The following MTHFD1L variants were observed in gnomAD, a reference collection of about 807,000 sequenced individuals.
The protein encoded by MTHFD1L is methylenetetrahydrofolate dehydrogenase (NADP+ dependent) 1 like.
A neutral mutation model predicts 119.5 loss-of-function variants in MTHFD1L; 81 were observed. The ratio of observed to expected loss-of-function variants is 0.68; its 90% CI spans 0.57 to 0.82. The LOEUF (loss-of-function observed/expected upper bound fraction) is 0.82. MTHFD1L is among the 40% of genes least tolerant of loss of function. The pLI is 0.00. For synonymous variants in MTHFD1L, 430 were observed against 475.2 expected (o/e 0.90, Z 1.24); for missense variants, 1,125 against 1,253.4 (o/e 0.90, Z 1.55).
At chr6:151,037,214 A>T in intron 26 of MTHFD1L, 97 bp downstream of exon 26, 1 of 1,348,982 alleles carries the variant, frequency 7.4e-7, no homozygotes, top group Non-Finnish European at 1.0e-6. Context: ...ATCATGGATT[A>T]GGGAAAATTG....
chr6:150,981,481 G>A (rs114084021), intron 20 of MTHFD1L, among the ~76,000 whole-genome samples: 4 of 152,080 alleles, frequency 2.6e-5, no homozygotes, highest in Admixed American at 6.5e-5. Flanking sequence ...ACAGATGTGC[G>A]GCTTTTCTTG....
Position 151,013,831 on chromosome 6 carries a change from C to T in MTHFD1L, c.2307+11C>T, listed in dbSNP as rs779512029. On this transcript the variant is annotated intron_variant, in intron 22 of 27. Transcript: ENST00000367321. ...GAATATACAGAGGAGGTAAGAGGAG[C>T]TGTTTAGATGCTTATGTGAAGAATC... The T allele has an allele frequency of 1.2e-6, 2 of 1,609,010 alleles. No homozygotes were observed. Among genetic ancestry groups the T allele is most frequent in the African/African-American group, 1.3e-5 (1 of 74,878 alleles).
intron 18 of MTHFD1L, among the ~76,000 whole-genome samples, chr6:150,962,914 C>CTTTTCT (rs1796647470): frequency 8.8e-6 from 1 of 114,148 alleles, no homozygotes; most frequent in Admixed American, 9.4e-5. Context: ...CTTTTCTTTT[C>CTTTTCT]TTTTTTTTTT....
At chr6:150,974,122 A>C (rs979452722) in intron 20 of MTHFD1L, among the ~76,000 whole-genome samples, 1 of 152,240 alleles carries the variant, frequency 6.6e-6, no homozygotes, top group African/African-American at 2.4e-5. Flanking sequence ...TTTTACCTCA[A>C]CTGCTTTCAA....
intron 26 of MTHFD1L, among the ~76,000 whole-genome samples, chr6:151,066,437 CAA>C (rs35065800): frequency 0.05 from 2,531 of 50,622 alleles, 66 homozygotes; most frequent in African/African-American, 0.18. Context: ...GACTCCATCT[CAA>C]AAAAAAAAAA....
chr6:150,870,267 C>T (rs1256889653), intron 1 of MTHFD1L, among the ~76,000 whole-genome samples: 4 of 152,192 alleles, frequency 2.6e-5, no homozygotes, highest in Admixed American at 6.5e-5. Flanking sequence ...TGATTAGAAA[C>T]ATTTATGCTA....
intron 11 of MTHFD1L, among the ~76,000 whole-genome samples, chr6:150,936,260 T>C (rs1792034575): frequency 6.6e-6 from 1 of 152,156 alleles, no homozygotes; most frequent in African/African-American, 2.4e-5. Context: ...CATGACCTTA[T>C]CACCATCTGT....
In MTHFD1L at chr6:151,013,783, C is replaced by A. The variant is rs536470352; in HGVS notation, c.2270C>A (p.Thr757Lys). ...TGTTTTCTCTCCTTATTTCAGGTAA[C>A]GGCTGGTGTTCCTCTTAAGAAAGAA... ...LKMHGGGPSV[T>K]AGVPLKKEYT... The change falls in exon 22 of 28, where the codon ACG (threonine) becomes AAG (lysine). Residue 757 changes from threonine (T) to lysine (K), a missense_variant. Physicochemically the swap from Thr to Lys is moderately conservative, Grantham distance 78. Transcript: ENST00000367321. 6.2e-7 allele frequency: 1 copy of A among 1,611,750 alleles called. No homozygotes were observed. The highest frequency in any genetic ancestry group is 8.5e-7 in the Non-Finnish European group (1 of 1,178,410).
chr6:150,962,357 A>C (rs1023139923), intron 18 of MTHFD1L, among the ~76,000 whole-genome samples: 1 of 152,194 alleles, frequency 6.6e-6, no homozygotes, highest in African/African-American at 2.4e-5. Flanking sequence ...TACTCTTTTT[A>C]GTTACCTTTT....
Position 151,082,133 on chromosome 6 carries a change from G to A in MTHFD1L, c.2848-10334G>A, listed in dbSNP as rs149475363. Among the ~76,000 whole-genome samples the A allele has an allele frequency of 1.8e-3, 280 of 152,300 alleles. 2 individuals carry two copies. Among genetic ancestry groups the A allele is most frequent in the African/African-American group, 6.2e-3 (258 of 41,562 alleles). On this transcript the variant is annotated intron_variant, in intron 26 of 27. Transcript: ENST00000367321. Reference sequence around the variant, plus strand: ...TAAATTGATTTGTTTTCCACACGTAGTGGAGATTTTCATGGTGTGCTACCT... The same window carrying A: ...TAAATTGATTTGTTTTCCACACGTAATGGAGATTTTCATGGTGTGCTACCT...
intron 26 of MTHFD1L, among the ~76,000 whole-genome samples, chr6:151,043,150 A>G (rs1466302083): frequency 3.9e-5 from 6 of 152,158 alleles, no homozygotes; most frequent in Non-Finnish European, 7.3e-5. Context: ...TCCACTAAGC[A>G]AATGCAAGAT....
chr6:151,057,202 G>A (rs755071581), intron 26 of MTHFD1L: 1 of 985,160 alleles, frequency 1.0e-6, no homozygotes, highest in South Asian at 4.7e-5. Context: ...CCATGATCCT[G>A]ATTTCTGTCA....
At chr6:151,035,033 T>C (rs963326262) in intron 25 of MTHFD1L, among the ~76,000 whole-genome samples, 1 of 146,576 alleles carries the variant, frequency 6.8e-6, no homozygotes, top group African/African-American at 2.5e-5. Context: ...CAGATAGGAG[T>C]GCAGCCTATA....
Position 150,962,914 on chromosome 6 carries a change from C to CTTT in MTHFD1L, c.1945-2038_1945-2036dup, listed in dbSNP as rs4035893. ...GAAGATTTCTTTTTTCTTTTCTTTT[C>CTTT]TTTTTTTTTTTTTTTTTTTGAGATG... On this transcript the variant is annotated intron_variant, in intron 18 of 27. Coordinates refer to ENST00000367321, the MANE Select transcript of MTHFD1L (RefSeq NM_015440.5). 6.7e-4 allele frequency among the ~76,000 whole-genome samples: 76 copies of CTTT among 114,102 alleles called. 1 individual carries two copies. Among genetic ancestry groups the CTTT allele is most frequent in the African/African-American group, 1.9e-3 (56 of 29,922 alleles). 74.9% of individuals were successfully genotyped at this position (114,102 alleles called of 152,430 possible).
At chr6:150,893,172 C>T (rs1368159031) in intron 7 of MTHFD1L, among the ~76,000 whole-genome samples, 1 of 152,138 alleles carries the variant, frequency 6.6e-6, no homozygotes, top group African/African-American at 2.4e-5. Context: ...TCAAGAGATT[C>T]TCATGCCTCA....
At chr6:151,044,912 C>T (rs1350862606) in intron 26 of MTHFD1L, among the ~76,000 whole-genome samples, 2 of 152,300 alleles carry the variant, frequency 1.3e-5, no homozygotes, top group Non-Finnish European at 2.9e-5. Context: ...GGCCCCGGCC[C>T]GTGGACTCAC....
chr6:151,037,160 T>C, intron 26 of MTHFD1L, 43 bp downstream of exon 26: 1 of 1,604,614 alleles, frequency 6.2e-7, no homozygotes, highest in African/African-American at 1.3e-5. Context: ...CATTCTGCAT[T>C]GCTGTGGTGC....
intron 27 of MTHFD1L, among the ~76,000 whole-genome samples, chr6:151,096,349 G>A (rs1160109853): frequency 6.6e-6 from 1 of 152,120 alleles, no homozygotes; most frequent in Non-Finnish European, 1.5e-5. Flanking sequence ...GCTAAATACA[G>A]TTCTGGGCTA....
intron 26 of MTHFD1L, among the ~76,000 whole-genome samples, chr6:151,085,082 TGTGA>T (rs941248745): frequency 8.0e-5 from 12 of 150,362 alleles, no homozygotes; most frequent in Admixed American, 4.6e-4. Context: ...AAAAATTACC[TGTGA>T]GTAATTTTTA....
Sources: gnomAD v4.1 joint callset for allele counts (sites outside exome capture counted in the v4.1 genomes callset) on GRCh38, gnomAD v4.1.1 for gene constraint, MANE v1.5 for transcripts, NCBI Gene and HGNC (gene_info 2026-07-23, HGNC 2026-07-21) for gene names.